Variants in IMMP2L observed in about 807,000 individuals in gnomAD.
IMMP2L encodes mitochondrial inner membrane protease subunit 2.
In IMMP2L, 18 loss-of-function variants were observed where a neutral mutation model predicts 19.3. That is an observed-to-expected ratio of 0.93 (90% CI 0.64 to 1.38). IMMP2L has a LOEUF of 1.38. IMMP2L is among the 40% of genes most tolerant of loss of function. The pLI is 0.00. For synonymous variants in IMMP2L, 76 were observed against 73.0 expected, an observed-to-expected ratio of 1.04 and a Z score of -0.21; for missense variants, 233 against 218.2, an observed-to-expected ratio of 1.07 and a Z score of -0.43.
chr7:111,165,284 T>G (rs1017149129), intron 3 of IMMP2L, among the ~76,000 whole-genome samples: 1 of 152,082 alleles, frequency 6.6e-6, no homozygotes. Context: ...TGACAGTCAA[T>G]TGTACATATA....
chr7:110,917,465 C>T (rs11974574), intron 4 of IMMP2L, among the ~76,000 whole-genome samples: 3,172 of 152,246 alleles, frequency 0.021, 46 homozygotes, highest in Middle Eastern at 0.044. Context: ...TTCTTACAGT[C>T]TTCTTATTCA....
intron 3 of IMMP2L, among the ~76,000 whole-genome samples, chr7:111,448,265 G>A (rs1217792734): frequency 1.6e-5 from 2 of 121,356 alleles, no homozygotes; most frequent in African/African-American, 7.3e-5. Context: ...ATTTTTTTCA[G>A]CACCACACCA....
chr7:111,371,477 AG>A (rs1830259321), intron 3 of IMMP2L, among the ~76,000 whole-genome samples: 1 of 152,054 alleles, frequency 6.6e-6, no homozygotes, highest in South Asian at 2.1e-4. Context: ...TGGGGTCACA[AG>A]ATTTTTAAAA....
intron 3 of IMMP2L, among the ~76,000 whole-genome samples, chr7:111,192,370 C>G (rs1402724290): frequency 6.6e-6 from 1 of 152,016 alleles, no homozygotes; most frequent in African/African-American, 2.4e-5. Flanking sequence ...TATCATGTGT[C>G]AATTAGTTTC....
chr7:110,792,176 C>A (rs4730463), intron 5 of IMMP2L, among the ~76,000 whole-genome samples: 2 of 151,524 alleles, frequency 1.3e-5, no homozygotes, highest in East Asian at 1.9e-4. Flanking sequence ...AGGTTTGACA[C>A]GTGCACCCTC....
At position 110,924,329 on chromosome 7, in the gene IMMP2L, G is replaced by T. The variant is rs193197740; in HGVS notation, c.306-37634C>A. ...AGATAAAAGGGTGTGGATAGGGATC[G>T]GGATTTATTTTTGTTTCTCTTCTAA... On this transcript the variant is annotated intron_variant, in intron 4 of 5. Transcript: ENST00000405709. The surrounding 1 kb of genome is among the most constrained non-coding windows in gnomAD (Gnocchi z 4.2). Among the ~76,000 whole-genome samples, 1 of 152,048 alleles carries T rather than the reference G, an allele frequency of 6.6e-6. No individual in the cohort carries two copies. The highest frequency in any genetic ancestry group is 2.4e-5 in the African/African-American group (1 of 41,396).
At chr7:111,299,573 G>GAA (rs71147472) in intron 3 of IMMP2L, among the ~76,000 whole-genome samples, 9 of 118,656 alleles carry the variant, frequency 7.6e-5, no homozygotes, top group African/African-American at 2.4e-4. Context: ...AGCTGAAGCA[G>GAA]AAAAAAAAAA....
chr7:111,270,513 C>G (rs925067116), intron 3 of IMMP2L, among the ~76,000 whole-genome samples: 1 of 151,914 alleles, frequency 6.6e-6, no homozygotes, highest in African/African-American at 2.4e-5. Flanking sequence ...ATATATTTAT[C>G]AGAGTTCACT....
At chr7:110,751,721 G>A (rs28592248) in intron 5 of IMMP2L, among the ~76,000 whole-genome samples, 47,750 of 151,750 alleles carry the variant, frequency 0.31, 8,593 homozygotes, top group African/African-American at 0.5. Flanking sequence ...ATTGCATTTT[G>A]TGAATGAAAA....
intron 4 of IMMP2L, among the ~76,000 whole-genome samples, chr7:110,922,762 G>A (rs889444527): frequency 3.9e-5 from 6 of 152,238 alleles, no homozygotes; most frequent in Admixed American, 3.3e-4. Flanking sequence ...CCGATTGTAA[G>A]AATATGAGGC....
intron 3 of IMMP2L, among the ~76,000 whole-genome samples, chr7:111,103,212 C>A (rs1798172629): frequency 6.6e-6 from 1 of 151,554 alleles, no homozygotes; most frequent in Admixed American, 6.6e-5. Flanking sequence ...TCTCAAAAAA[C>A]CTGTATTAGC....
intron 3 of IMMP2L, among the ~76,000 whole-genome samples, chr7:111,393,878 T>C (rs1010850966): frequency 4.6e-5 from 7 of 152,164 alleles, no homozygotes; most frequent in Admixed American, 1.3e-4. Context: ...TGTGTTTTTT[T>C]CCACAAAGGA....
chr7:111,050,746 G>T (rs1037209288), intron 3 of IMMP2L, among the ~76,000 whole-genome samples: 3 of 152,124 alleles, frequency 2.0e-5, no homozygotes, highest in Admixed American at 2.0e-4. Flanking sequence ...CTACATTTGT[G>T]CCTAATACAT....
At chr7:111,125,811 C>T (rs1036534763) in intron 3 of IMMP2L, among the ~76,000 whole-genome samples, 5 of 146,480 alleles carry the variant, frequency 3.4e-5, no homozygotes, top group African/African-American at 5.0e-5. Flanking sequence ...AGTTTTAGGC[C>T]GCTTGCTTTT....
chr7:110,944,013 T>A (rs1320801484), intron 4 of IMMP2L, among the ~76,000 whole-genome samples: 1 of 152,004 alleles, frequency 6.6e-6, no homozygotes, highest in Non-Finnish European at 1.5e-5. Flanking sequence ...AGTTGAAATA[T>A]TTCCAAAATA....
intron 3 of IMMP2L, among the ~76,000 whole-genome samples, chr7:111,403,319 G>T (rs1356814600): frequency 6.6e-6 from 1 of 151,792 alleles, no homozygotes; most frequent in African/African-American, 2.4e-5. Flanking sequence ...CTTCCACCAT[G>T]ATTGTAAGTT....
At chr7:111,151,669 TG>T (rs1422078048) in intron 3 of IMMP2L, among the ~76,000 whole-genome samples, 1 of 152,186 alleles carries the variant, frequency 6.6e-6, no homozygotes, top group Non-Finnish European at 1.5e-5. Context: ...CCAGATGCGG[TG>T]GCTCACGCCT....
At chr7:111,381,037 C>T (rs1275607166) in intron 3 of IMMP2L, among the ~76,000 whole-genome samples, 7 of 151,880 alleles carry the variant, frequency 4.6e-5, no homozygotes, top group Admixed American at 1.3e-4. Flanking sequence ...ATAAAGAAAA[C>T]CATGTTTTCA....
chr7:111,467,224 C>T (rs1840760715), intron 3 of IMMP2L, among the ~76,000 whole-genome samples: 2 of 152,126 alleles, frequency 1.3e-5, no homozygotes, highest in South Asian at 4.1e-4. Flanking sequence ...GCCTCAGTTT[C>T]CTCACTGTAA....
Sources: gnomAD v4.1 joint callset for allele counts (sites outside exome capture counted in the v4.1 genomes callset) on GRCh38, gnomAD v4.1.1 for gene constraint, Gnocchi (gnomAD v3.1) non-coding constraint, MANE v1.5 for transcripts, NCBI Gene and HGNC (gene_info 2026-07-23, HGNC 2026-07-21) for gene names.